QSER1: variants seen among roughly 807,000 people sequenced by gnomAD.
The protein encoded by QSER1 is glutamine and serine rich 1, also known as glutamine and serine-rich protein 1.
In QSER1, 49 loss-of-function variants were observed where a neutral mutation model predicts 158.5. The ratio of observed to expected loss-of-function variants is 0.31; its 90% CI spans 0.25 to 0.39. The LOEUF (loss-of-function observed/expected upper bound fraction) is 0.39, where lower values mean the gene tolerates loss of function less well. Ranked by LOEUF, QSER1 falls within the 10% of genes least tolerant of loss-of-function variation. The probability of loss-of-function intolerance (pLI) is 1.00; values close to 1 mark genes in which losing one functional copy is unlikely to be tolerated. For missense variants in QSER1, 1,754 were observed against 2,010.3 expected (o/e 0.87, Z 2.44); for synonymous variants, 650 against 715.5 (o/e 0.91, Z 1.46).
intron 10 of QSER1, 150 bp downstream of exon 10, chr11:32,969,293 T>C: frequency 3.5e-6 from 2 of 569,874 alleles, no homozygotes; most frequent in East Asian, 6.6e-5. Flanking sequence ...ATTTAGTTTG[T>C]CTGCTTAGTG....
At position 32,896,725 on chromosome 11, in the gene QSER1, A is replaced by G. The variant is rs17678254; in HGVS notation, c.209+3391A>G. Among the ~76,000 whole-genome samples, 1,310 of 152,206 alleles carry G rather than the reference A, an allele frequency of 8.6e-3. 11 individuals are homozygous for G. The highest frequency in any genetic ancestry group is 0.013 in the Non-Finnish European group (911 of 68,018). On this transcript the variant is annotated intron_variant, in intron 1 of 12. Transcript: ENST00000650167. The stretch of plus-strand genomic sequence containing the variant: ...TTTCTAACTTGAAATAACTTTTGGC[A>G]CCAGTTTTTAGAATTCCTAATGCAT...
At chr11:32,924,141 A>G (rs1432825799) in intron 1 of QSER1, among the ~76,000 whole-genome samples, 1 of 152,170 alleles carries the variant, frequency 6.6e-6, no homozygotes, top group Non-Finnish European at 1.5e-5. Context: ...AAACTTACAA[A>G]ATAAAACAAT....
chr11:32,924,548 G>A (rs1688316164), intron 1 of QSER1, among the ~76,000 whole-genome samples: 1 of 132,882 alleles, frequency 7.5e-6, no homozygotes. Context: ...TGACCGGAGT[G>A]AGACCCTGTC....
rs1852750631 is a variant in QSER1 at position 32,966,450 on chromosome 11, AAGT to A, written c.5107+18_5107+20del. 6.2e-7 allele frequency: 1 copy of A among 1,604,070 alleles called. No individual in the cohort carries two copies. The highest frequency in any genetic ancestry group is 1.7e-5 in the Admixed American group (1 of 57,152). Reference sequence around the variant, plus strand: ...GAGAAGAGCAATGGTACAGTCTTCTAAGTAGTACTTCCTTGGTAGTACTTCCTG... The same window carrying A: ...GAGAAGAGCAATGGTACAGTCTTCTAAGTACTTCCTTGGTAGTACTTCCTG... On this transcript the variant is annotated intron_variant, in intron 9 of 12. Coordinates refer to ENST00000650167, the MANE Select transcript of QSER1 (RefSeq NM_001076786.3).
intron 1 of QSER1, among the ~76,000 whole-genome samples, chr11:32,923,420 T>A (rs1225769857): frequency 6.6e-6 from 1 of 152,136 alleles, no homozygotes; most frequent in Admixed American, 6.5e-5. Context: ...ACGCCTGTAA[T>A]CCCAGCACTT....
chr11:32,957,508 T>C (rs544566576), intron 7 of QSER1, among the ~76,000 whole-genome samples: 4 of 152,160 alleles, frequency 2.6e-5, no homozygotes, highest in Admixed American at 6.6e-5. Flanking sequence ...GAGCTAGATA[T>C]GGCAATTACG....
At chr11:32,954,929 AGTTAACTACTT>A (rs1852486320) in intron 5 of QSER1, among the ~76,000 whole-genome samples, 1 of 152,254 alleles carries the variant, frequency 6.6e-6, no homozygotes, top group Non-Finnish European at 1.5e-5. Flanking sequence ...CACTATTCAC[AGTTAACTACTT>A]TTAATATTTT....
In QSER1 at chr11:32,933,852, T is replaced by G. The variant is rs1319712719; in HGVS notation, c.2594T>G (p.Leu865Arg). Residue 865 changes from leucine to arginine, a missense_variant, in exon 4 of 13, where the codon CTT (leucine) becomes CGT (arginine). This residue lies in a region of QSER1 where 1,707 missense variants were observed against 1,919.6 expected (regional missense o/e 0.89). Coordinates refer to ENST00000650167, the MANE Select transcript of QSER1 (RefSeq NM_001076786.3). ...LLDSACDLQILQQSILQAGLG... is the reference protein window; with the variant it reads ...LLDSACDLQIRQQSILQAGLG... ...GATTCTGCCTGTGATTTACAAATTC[T>G]TCAGCAGTCAATACTGCAGGCAGGT... 1 of 1,613,440 alleles carries G rather than the reference T, an allele frequency of 6.2e-7. No individual in the cohort carries two copies.
chr11:32,948,096 G>A (rs1186674967), intron 4 of QSER1, among the ~76,000 whole-genome samples: 1 of 152,116 alleles, frequency 6.6e-6, no homozygotes, highest in African/African-American at 2.4e-5. Flanking sequence ...TTTCTAGAAA[G>A]AACAAAGAAA....
intron 4 of QSER1, among the ~76,000 whole-genome samples, chr11:32,940,938 T>A (rs1450797040): frequency 1.3e-5 from 2 of 152,016 alleles, no homozygotes; most frequent in African/African-American, 4.8e-5. Flanking sequence ...TTAATTCTTT[T>A]GCCCTTTATT....
chr11:32,962,324 G>A (rs1008377035), intron 8 of QSER1, among the ~76,000 whole-genome samples: 2 of 152,064 alleles, frequency 1.3e-5, no homozygotes, highest in African/African-American at 4.8e-5. Context: ...TTGGAGAAAT[G>A]TCTATTCAGA....
Position 32,934,756 on chromosome 11 carries a change from C to G in QSER1, c.3498C>G (p.Asn1166Lys). The part of the protein sequence containing the change: ...LGGDDSGVSM[N>K]PARSALALLA... ...GTGACGACAGTGGTGTGTCAATGAA[C>G]CCAGCTAGGAGTGCACTTGCACTGT... The change falls in exon 4 of 13, where the codon AAC (asparagine) becomes AAG (lysine). Residue 1166 changes from asparagine (N) to lysine (K), a missense_variant. Around this residue, in one of 2 missense-constraint regions of QSER1, gnomAD observed 1,707 missense variants for 1,919.6 expected, o/e 0.89. Transcript: ENST00000650167. The G allele has an allele frequency of 1.9e-6, 3 of 1,613,874 alleles. No homozygotes were observed. Among genetic ancestry groups the G allele is most frequent in the Non-Finnish European group, 2.5e-6 (3 of 1,179,914 alleles).
At chr11:32,927,625 T>G (rs1319913583) in intron 2 of QSER1, among the ~76,000 whole-genome samples, 1 of 152,102 alleles carries the variant, frequency 6.6e-6, no homozygotes, top group Non-Finnish European at 1.5e-5. Context: ...GCCAGGCTGG[T>G]CTCAAACTCC....
intron 8 of QSER1, among the ~76,000 whole-genome samples, chr11:32,964,731 TATATATATAC>T (rs1445801850): frequency 0.013 from 1,492 of 113,032 alleles, 18 homozygotes; most frequent in Middle Eastern, 0.036. Flanking sequence ...TATATATATA[TATATATATAC>T]ACACACACAC....
chr11:32,951,026 A>G (rs534089308), intron 4 of QSER1, among the ~76,000 whole-genome samples: 53 of 152,276 alleles, frequency 3.5e-4, no homozygotes, highest in African/African-American at 1.2e-3. Context: ...CCTCAGTCAT[A>G]TATCTGCATG....
In QSER1 at chr11:32,972,090, G is replaced by A. The variant is rs921846430; in HGVS notation, c.5206-1307G>A. Among the ~76,000 whole-genome samples the A allele has an allele frequency of 5.3e-5, 8 of 150,624 alleles. No homozygotes were observed. In the South Asian group the frequency reaches 1.0e-3, roughly 20 times the overall value. On this transcript the variant is annotated intron_variant, in intron 10 of 12. Coordinates refer to ENST00000650167, the MANE Select transcript of QSER1 (RefSeq NM_001076786.3). ...AAAAAAAAAAAAACAAAACAGTACT[G>A]TTTTCAGGGCCCCAATACCAGGTGC...
At chr11:32,895,610 G>T (rs201373946) in intron 1 of QSER1, among the ~76,000 whole-genome samples, 1 of 152,116 alleles carries the variant, frequency 6.6e-6, no homozygotes, top group Non-Finnish European at 1.5e-5. Context: ...GCAGTTTCTT[G>T]TGAAGGTGCA....
intron 1 of QSER1, among the ~76,000 whole-genome samples, chr11:32,923,961 C>T (rs933497844): frequency 6.6e-6 from 1 of 152,076 alleles, no homozygotes; most frequent in East Asian, 1.9e-4. Context: ...AGCAAGACTC[C>T]ATCTCATTTA....
chr11:32,962,941 A>C (rs1852652625), intron 8 of QSER1, among the ~76,000 whole-genome samples: 1 of 152,162 alleles, frequency 6.6e-6, no homozygotes, highest in African/African-American at 2.4e-5. Context: ...TTCAAATAAA[A>C]ATCTTGTTTT....
Sources: allele counts gnomAD v4.1 joint callset (sites outside exome capture counted in the v4.1 genomes callset), GRCh38; gene constraint gnomAD v4.1.1; regional missense constraint gnomAD v4.1.1; transcripts MANE v1.5; gene names NCBI Gene and HGNC (gene_info 2026-07-23, HGNC 2026-07-21).